The following ELOVL6 variants were observed in gnomAD, a reference collection of about 807,000 sequenced individuals.
ELOVL6 encodes very long chain fatty acid elongase 6.
Under a neutral mutation model 31.7 loss-of-function variants are expected in ELOVL6, and 8 were observed. The observed-to-expected ratio is 0.25, with a 90% CI of 0.15 to 0.45. The LOEUF is 0.45. Among genes scored for constraint, ELOVL6 ranks in the 20% least tolerant of loss-of-function variants. ELOVL6 has a pLI of 1.00. For synonymous variants in ELOVL6, 101 were observed against 117.7 expected, an observed-to-expected ratio of 0.86 and a Z score of 0.92; for missense variants, 126 against 326.4, an observed-to-expected ratio of 0.39 and a Z score of 4.73.
At chr4:110,189,966 CAAA>C (rs34493408) in intron 1 of ELOVL6, among the ~76,000 whole-genome samples, 1 of 133,686 alleles carries the variant, frequency 7.5e-6, no homozygotes. Context: ...GACTCCATCT[CAAA>C]AAAAAAAAAA....
chr4:110,076,958 G>T (rs1321704762), intron 2 of ELOVL6, among the ~76,000 whole-genome samples: 1 of 152,216 alleles, frequency 6.6e-6, no homozygotes, highest in Non-Finnish European at 1.5e-5. Context: ...TGGCTCGGAG[G>T]GTCCTACGCC....
At chr4:110,078,105 A>T (rs182185221) in intron 2 of ELOVL6, among the ~76,000 whole-genome samples, 4 of 152,366 alleles carry the variant, frequency 2.6e-5, no homozygotes, top group African/African-American at 9.6e-5. Flanking sequence ...GACCAAATCT[A>T]CATCTGATTG....
At chr4:110,162,348 GTTTAT>G (rs1758653902) in intron 1 of ELOVL6, among the ~76,000 whole-genome samples, 1 of 151,998 alleles carries the variant, frequency 6.6e-6, no homozygotes, top group Non-Finnish European at 1.5e-5. Flanking sequence ...TGGGTTGTGG[GTTTAT>G]TTTATTTTTT....
chr4:110,175,186 C>A (rs1276979184), intron 1 of ELOVL6, among the ~76,000 whole-genome samples: 1 of 151,944 alleles, frequency 6.6e-6, no homozygotes, highest in East Asian at 1.9e-4. Flanking sequence ...GAGTTTGAGA[C>A]CAGCCAGCCA....
intron 2 of ELOVL6, among the ~76,000 whole-genome samples, chr4:110,078,088 G>C (rs1007448933): frequency 2.6e-5 from 4 of 152,226 alleles, no homozygotes; most frequent in African/African-American, 9.6e-5. Flanking sequence ...ACGGGACTAT[G>C]TGAAAAGACC....
chr4:110,109,431 C>A (rs1756970411), intron 1 of ELOVL6, among the ~76,000 whole-genome samples: 1 of 152,094 alleles, frequency 6.6e-6, no homozygotes, highest in African/African-American at 2.4e-5. Flanking sequence ...TATATTTATC[C>A]TTTTTACCCT....
intron 2 of ELOVL6, among the ~76,000 whole-genome samples, chr4:110,094,443 AAT>A (rs796117776): frequency 0.13 from 7,855 of 58,416 alleles, 965 homozygotes; most frequent in South Asian, 0.17. Flanking sequence ...ATATATATAT[AAT>A]ATATATAACA....
At chr4:110,171,628 T>TCCCATAC (rs1236260558) in intron 1 of ELOVL6, among the ~76,000 whole-genome samples, 1 of 148,376 alleles carries the variant, frequency 6.7e-6, no homozygotes, top group Non-Finnish European at 1.5e-5. Context: ...CAAGCTCTTC[T>TCCCATAC]CCCATACATT....
chr4:110,114,438 A>T (rs1354839865), intron 1 of ELOVL6, among the ~76,000 whole-genome samples: 2 of 152,138 alleles, frequency 1.3e-5, no homozygotes, highest in East Asian at 1.9e-4. Context: ...CATCTAGTCT[A>T]AACTTTTCAG....
At chr4:110,196,230 A>G (rs1759775422) in intron 1 of ELOVL6, among the ~76,000 whole-genome samples, 1 of 152,278 alleles carries the variant, frequency 6.6e-6, no homozygotes, top group Admixed American at 6.5e-5. Flanking sequence ...CCGGAAGAGC[A>G]GGTTAAACCA....
chr4:110,078,189 C>T (rs879756926), intron 2 of ELOVL6, among the ~76,000 whole-genome samples: 11 of 152,166 alleles, frequency 7.2e-5, no homozygotes, highest in Non-Finnish European at 1.5e-4. Context: ...AGGAGAACTT[C>T]CCAAATCTAG....
chr4:110,164,225 C>T (rs560705928), intron 1 of ELOVL6, among the ~76,000 whole-genome samples: 17 of 152,208 alleles, frequency 1.1e-4, no homozygotes, highest in East Asian at 3.9e-4. Flanking sequence ...TGCTCAAGTT[C>T]ACCAAGTCAT....
Position 110,048,482 on chromosome 4 carries a change from T to G in ELOVL6, c.*2856A>C, listed in dbSNP as rs1053892431. On this transcript the variant is annotated 3_prime_UTR_variant, in exon 4 of 4. Transcript: ENST00000302274. ...TGGAAAATCTTCAATAGAAAGATAC[T>G]CTATTGCAGCATAGTGGGGCAGCTA... is the stretch of plus-strand genomic sequence containing the variant. The G allele has an allele frequency of 3.3e-5, 5 of 152,140 alleles. No individual in the cohort carries two copies. The highest frequency in any genetic ancestry group is 9.7e-5 in the African/African-American group (4 of 41,422). The allele number at this position is 152,140 out of a possible 1,614,324, so 9.4% of individuals were successfully genotyped here. A position where few individuals can be genotyped will look rare whatever the true frequency, so the allele number is the denominator to read the frequency against.
At chr4:110,114,087 G>GA (rs1436874781) in intron 1 of ELOVL6, among the ~76,000 whole-genome samples, 3 of 151,602 alleles carry the variant, frequency 2.0e-5, no homozygotes, top group Non-Finnish European at 1.5e-5. Context: ...TCCATCCCTT[G>GA]AAAACGAAAA....
chr4:110,170,974 C>G (rs1209537302), intron 1 of ELOVL6, among the ~76,000 whole-genome samples: 1 of 152,162 alleles, frequency 6.6e-6, no homozygotes, highest in East Asian at 1.9e-4. Context: ...GAACTCTAAC[C>G]TTCCCAGGCC....
chr4:110,166,819 T>G (rs1208763127), intron 1 of ELOVL6, among the ~76,000 whole-genome samples: 1 of 152,076 alleles, frequency 6.6e-6, no homozygotes, highest in East Asian at 1.9e-4. Flanking sequence ...TTTGCTGGAG[T>G]GTTTCTAAAT....
intron 2 of ELOVL6, among the ~76,000 whole-genome samples, chr4:110,084,138 A>T (rs111216351): frequency 7.8e-5 from 4 of 51,290 alleles, no homozygotes; most frequent in South Asian, 5.8e-4. Context: ...TGTGATAATG[A>T]TATATATGAT....
intron 1 of ELOVL6, chr4:110,197,806 G>A (rs1300041003): frequency 5.4e-6 from 1 of 184,560 alleles, no homozygotes; most frequent in Non-Finnish European, 1.1e-5. Context: ...GAGGGTTAAA[G>A]GCAACAGGAG....
Position 110,130,908 on chromosome 4 carries a change from A to G in ELOVL6, c.90-25280T>C, listed in dbSNP as rs535177458. 8.5e-4 allele frequency among the ~76,000 whole-genome samples: 129 copies of G among 152,330 alleles called. 1 individual carries two copies. The highest frequency in any genetic ancestry group is 3.4e-3 in the Middle Eastern group (1 of 294). On this transcript the variant is annotated intron_variant, in intron 1 of 3. Transcript: ENST00000302274. ...ATTTAAATGCATACAAACATAGGTA[A>G]GTACACATTTCTTTCAAGGAAACAT...
Sources: gnomAD v4.1 joint callset for allele counts (sites outside exome capture counted in the v4.1 genomes callset) on GRCh38, gnomAD v4.1.1 for gene constraint, MANE v1.5 for transcripts, NCBI Gene and HGNC (gene_info 2026-07-23, HGNC 2026-07-21) for gene names.